RB1CC1: variants seen among roughly 807,000 people sequenced by gnomAD.
RB1CC1 encodes the protein RB1 inducible coiled-coil 1.
In RB1CC1, 46 loss-of-function variants were observed where a neutral mutation model predicts 177.5. The observed-to-expected ratio is 0.26, with a 90% CI of 0.20 to 0.33. The LOEUF is 0.33. Among genes scored for constraint, RB1CC1 ranks in the 10% least tolerant of loss-of-function variants. The pLI is 1.00. For synonymous variants in RB1CC1, 666 were observed against 613.6 expected (o/e 1.09, Z -1.26); for missense variants, 1,703 against 1,816.3 (o/e 0.94, Z 1.13).
At chr8:52,681,276 A>AT (rs1292915622) in intron 5 of RB1CC1, among the ~76,000 whole-genome samples, 3 of 152,090 alleles carry the variant, frequency 2.0e-5, no homozygotes, top group Non-Finnish European at 2.9e-5. Context: ...GATTACAGGC[A>AT]TAAGCTACCA....
At chr8:52,670,431 CATT>C (rs2150538365) in intron 7 of RB1CC1, among the ~76,000 whole-genome samples, 1 of 152,228 alleles carries the variant, frequency 6.6e-6, no homozygotes, top group South Asian at 2.1e-4. Context: ...CAAAGGCTAA[CATT>C]ATTTTTAACT....
chr8:52,703,568 G>A (rs1164061835), intron 1 of RB1CC1, among the ~76,000 whole-genome samples: 1 of 152,148 alleles, frequency 6.6e-6, no homozygotes, highest in African/African-American at 2.4e-5. Flanking sequence ...ATGTAACCAA[G>A]AATTCACAAA....
At chr8:52,635,036 G>A in intron 19 of RB1CC1, 68 bp from the exon 20 acceptor site, 1 of 1,401,330 alleles carries the variant, frequency 7.1e-7, no homozygotes, top group Non-Finnish European at 9.8e-7. Flanking sequence ...AACAGTGATT[G>A]TCAAAGTTTT....
chr8:52,702,065 C>T (rs1856124966), intron 1 of RB1CC1, among the ~76,000 whole-genome samples: 1 of 152,166 alleles, frequency 6.6e-6, no homozygotes, highest in African/African-American at 2.4e-5. Context: ...ACCTCGGCCT[C>T]CCAAAGTGCT....
At chr8:52,682,123 G>T (rs1563434041) in intron 5 of RB1CC1, among the ~76,000 whole-genome samples, 1 of 152,202 alleles carries the variant, frequency 6.6e-6, no homozygotes, top group Non-Finnish European at 1.5e-5. Flanking sequence ...CAAAGCCACA[G>T]GGACAGAGCT....
chr8:52,706,467 C>A (rs1405432806), intron 1 of RB1CC1, among the ~76,000 whole-genome samples: 1 of 151,624 alleles, frequency 6.6e-6, no homozygotes, highest in Non-Finnish European at 1.5e-5. Flanking sequence ...GCCTCCGCCT[C>A]CCAGGTTCAA....
At chr8:52,712,514 A>AC (rs1014380481) in intron 1 of RB1CC1, among the ~76,000 whole-genome samples, 2 of 151,706 alleles carry the variant, frequency 1.3e-5, no homozygotes, top group African/African-American at 2.4e-5. Context: ...AAAAAAAAAA[A>AC]AACTCAGGGA....
In RB1CC1 at chr8:52,657,098, T is replaced by G; in HGVS notation, c.2731A>C (p.Asn911His). Residue 911 changes from asparagine to histidine, a missense_variant, in exon 15 of 24, where the codon AAT becomes CAT. Asn to His is a moderately conservative substitution (Grantham distance 68). Around this residue, in one of 6 missense-constraint regions of RB1CC1, gnomAD observed 1,169 missense variants for 1,184.7 expected, o/e 0.99. Coordinates refer to ENST00000025008, the MANE Select transcript of RB1CC1 (RefSeq NM_014781.5). ...TCATGTTTAACCAAAGCAAATTCAT[T>G]ATCTTTATTTTGTAAAACCTCCTCA... ...CLEEVLQNKD[N>H]EFALVKHEKE... 1 of 1,610,240 alleles carries G rather than the reference T, an allele frequency of 6.2e-7. No homozygotes were observed. The highest frequency in any genetic ancestry group is 1.1e-5 in the South Asian group (1 of 90,224).
intron 15 of RB1CC1, among the ~76,000 whole-genome samples, chr8:52,649,794 G>T (rs754646129): frequency 6.6e-6 from 1 of 152,142 alleles, no homozygotes; most frequent in African/African-American, 2.4e-5. Flanking sequence ...ACATACACAC[G>T]TTCCACTCTT....
chr8:52,624,208 C>T (rs1233486501), intron 23 of RB1CC1, among the ~76,000 whole-genome samples: 1 of 151,776 alleles, frequency 6.6e-6, no homozygotes, highest in African/African-American at 2.4e-5. Context: ...AAGTTCTATT[C>T]GTATTTTGTA....
At chr8:52,695,526 T>A (rs1465996988) in intron 1 of RB1CC1, among the ~76,000 whole-genome samples, 1 of 152,176 alleles carries the variant, frequency 6.6e-6, no homozygotes. Context: ...CCAGAGGAAC[T>A]ACTGACTAAA....
Position 52,656,278 on chromosome 8 carries a change from T to C in RB1CC1, c.3551A>G (p.Asp1184Gly), listed in dbSNP as rs750846447. 13 of 1,613,432 alleles carry C rather than the reference T, an allele frequency of 8.1e-6. No homozygotes were observed. The highest frequency in any genetic ancestry group is 1.1e-5 in the Non-Finnish European group (13 of 1,179,832). Reference protein sequence around the residue: ...EQIIELQSKLDSELSALERQK... With the variant: ...EQIIELQSKLGSELSALERQK... ...TCTTTCAAGAGCACTCAATTCTGAA[T>C]CCAATTTACTCTGCAGTTCAATTAT... Residue 1184 changes from aspartate (D) to glycine (G), a missense_variant, in exon 15 of 24, where the codon GAT (aspartate) becomes GGT (glycine). Asp to Gly is a moderately conservative substitution (Grantham distance 94, BLOSUM62 -1). Around this residue, in one of 6 missense-constraint regions of RB1CC1, gnomAD observed 1,169 missense variants for 1,184.7 expected, o/e 0.99. Coordinates refer to ENST00000025008, the MANE Select transcript of RB1CC1 (RefSeq NM_014781.5).
At position 52,700,268 on chromosome 8, in the gene RB1CC1, T is replaced by C. The variant is rs370137994; in HGVS notation, c.-166-13301A>G. 1.8e-4 allele frequency among the ~76,000 whole-genome samples: 27 copies of C among 152,146 alleles called. No homozygotes were observed. The East Asian group carries it at 3.3e-3, about 19-fold the overall frequency. On this transcript the variant is annotated intron_variant, in intron 1 of 23. Transcript: ENST00000025008. Reference sequence around the variant, plus strand: ...GAAAATCAGCAACATGCTGGGTGCATTGGCAGCACCCTTGGGAGGCCAAGG... The same window carrying C: ...GAAAATCAGCAACATGCTGGGTGCACTGGCAGCACCCTTGGGAGGCCAAGG...
intron 8 of RB1CC1, 117 bp from the exon 9 acceptor site, chr8:52,661,836 AT>A: frequency 1.4e-6 from 1 of 705,416 alleles, no homozygotes; most frequent in Non-Finnish European, 2.1e-6. Flanking sequence ...TTCTAACAAT[AT>A]TTTTAAATCC....
rs1215325124 is a variant in RB1CC1, at chr8:52,668,031, T to C, written c.1163A>G (p.Glu388Gly). Reference protein sequence around the residue: ...SCGRLVNEQKELAQGFLANQK... With the variant: ...SCGRLVNEQKGLAQGFLANQK... ...GTCTAAAATAGGTACCTGAGCAAGCTCTTTCTGTTCATTCACCAGTCGGCC... is the reference window on the plus strand; with the variant it reads ...GTCTAAAATAGGTACCTGAGCAAGCCCTTTCTGTTCATTCACCAGTCGGCC... The change falls in exon 8 of 24, where the codon GAG becomes GGG. Residue 388 changes from glutamate (E) to glycine (G), a missense_variant. Glu to Gly is a moderately conservative substitution (Grantham distance 98). Around this residue, in one of 6 missense-constraint regions of RB1CC1, gnomAD observed 20 missense variants for 58.4 expected, o/e 0.34. Coordinates refer to ENST00000025008, the MANE Select transcript of RB1CC1 (RefSeq NM_014781.5). 6.2e-7 allele frequency: 1 copy of C among 1,613,016 alleles called. No individual in the cohort carries two copies. The highest frequency in any genetic ancestry group is 8.5e-7 in the Non-Finnish European group (1 of 1,179,694).
chr8:52,707,399 C>G (rs1856659338), intron 1 of RB1CC1, among the ~76,000 whole-genome samples: 1 of 149,790 alleles, frequency 6.7e-6, no homozygotes, highest in African/African-American at 2.4e-5. Context: ...TTGCCCCAAA[C>G]TTCAGTTATT....
At chr8:52,647,424 T>C (rs1252051034) in intron 15 of RB1CC1, among the ~76,000 whole-genome samples, 1 of 152,180 alleles carries the variant, frequency 6.6e-6, no homozygotes, top group Non-Finnish European at 1.5e-5. Context: ...TTAAAGTTTC[T>C]CCTTTGGGGC....
chr8:52,705,113 C>G (rs112340050), intron 1 of RB1CC1, among the ~76,000 whole-genome samples: 1 of 152,174 alleles, frequency 6.6e-6, no homozygotes, highest in Non-Finnish European at 1.5e-5. Flanking sequence ...GACAGAACAA[C>G]TGTCAAAACA....
chr8:52,663,327 C>G lies in RB1CC1; in HGVS notation c.1174-1608G>C, dbSNP rs76696070. ...ATGAATATTCAGGGCTCCAGTGTTA[C>G]ACAGCTTCATAGGTTTGGTGAGTGA... On this transcript the variant is annotated intron_variant, in intron 8 of 23. Transcript: ENST00000025008. 1.9e-3 allele frequency among the ~76,000 whole-genome samples: 284 copies of G among 151,746 alleles called. 1 individual carries two copies. The highest frequency in any genetic ancestry group is 6.5e-3 in the African/African-American group (268 of 41,376).
Sources: allele counts gnomAD v4.1 joint callset (sites outside exome capture counted in the v4.1 genomes callset), GRCh38; gene constraint gnomAD v4.1.1; regional missense constraint gnomAD v4.1.1; transcripts MANE v1.5; gene names NCBI Gene and HGNC (gene_info 2026-07-23, HGNC 2026-07-21).